RYR1: variants seen among roughly 807,000 people sequenced by gnomAD.
The protein encoded by RYR1 is central core disease of muscle.
Under a neutral mutation model 583.5 loss-of-function variants are expected in RYR1, and 342 were observed. The observed-to-expected ratio is 0.59, with a 90% confidence interval of 0.54 to 0.64. The LOEUF (loss-of-function observed/expected upper bound fraction) is 0.64. RYR1 is among the 30% of genes least tolerant of loss of function. RYR1 has a pLI of 0.00. For missense variants in RYR1, 6,032 were observed against 6,917.2 expected, an observed-to-expected ratio of 0.87 and a Z score of 4.54; for synonymous variants, 2,791 against 2,822.5, an observed-to-expected ratio of 0.99 and a Z score of 0.35.
chr19:38,518,927 CAAAA>C (rs549791781), intron 66 of RYR1, among the ~76,000 whole-genome samples: 7 of 118,568 alleles, frequency 5.9e-5, no homozygotes, highest in African/African-American at 9.7e-5. Flanking sequence ...AACTCTGTCT[CAAAA>C]AAAAAAAAAA....
In RYR1 at chr19:38,532,370, G is replaced by C. The variant is rs1971775035; in HGVS notation, c.11142-120G>C. On this transcript the variant is annotated intron_variant, in intron 76 of 105. Coordinates refer to ENST00000359596, the MANE Select transcript of RYR1 (RefSeq NM_000540.3). ...ACTCCTGATCTCAAGTGATCTGCCT[G>C]CCTCAGCCTCCCAGAGTGTTGGGAT... 4.2e-6 allele frequency: 4 copies of C among 957,056 alleles called. No homozygotes were observed. In the Admixed American group the frequency reaches 7.7e-5, roughly 18 times the overall value. 59.3% of individuals were successfully genotyped at this position (957,056 alleles called of 1,614,324 possible).
rs766294115 is a variant in RYR1 at position 38,489,303 on chromosome 19, A to G, written c.5674A>G (p.Lys1892Glu). Residue 1892 changes from lysine to glutamate, a missense_variant, in exon 35 of 106, where the codon AAG becomes GAG. Physicochemically the swap from Lys to Glu is moderately conservative, Grantham distance 56. This residue lies in a region of RYR1 where 2,627 missense variants were observed against 2,961.3 expected (regional missense o/e 0.89). Transcript: ENST00000359596. ...EEGEEEDEEE[K>E]EEDEEETAQE... ...GGGTGAAGAGGAAGATGAGGAGGAG[A>G]AGGAGGAGGATGAGGAGGAAACAGC... is the stretch of plus-strand genomic sequence containing the variant. 1.7e-5 allele frequency: 28 copies of G among 1,601,734 alleles called. No homozygotes were observed. Among genetic ancestry groups the G allele is most frequent in the African/African-American group, 1.6e-4 (12 of 74,566 alleles).
At chr19:38,495,257 T>C (rs1394411529) in intron 39 of RYR1, among the ~76,000 whole-genome samples, 1 of 152,156 alleles carries the variant, frequency 6.6e-6, no homozygotes, top group Non-Finnish European at 1.5e-5. Flanking sequence ...ATGCGAATAA[T>C]AATAATTATG....
At chr19:38,537,293 C>T (rs1046532808) in intron 83 of RYR1, among the ~76,000 whole-genome samples, 4 of 152,178 alleles carry the variant, frequency 2.6e-5, no homozygotes, top group African/African-American at 9.7e-5. Flanking sequence ...GTCTAGCCTC[C>T]TCCCCTACCG....
chr19:38,449,759 T>G (rs1966982355), intron 11 of RYR1, among the ~76,000 whole-genome samples: 1 of 152,274 alleles, frequency 6.6e-6, no homozygotes, highest in South Asian at 2.1e-4. Context: ...GAGCTTGGCT[T>G]GTTGCAGTAG....
At chr19:38,463,390 C>G (rs549764731) in intron 20 of RYR1, 33 bp from the exon 21 acceptor site, 1 of 1,584,076 alleles carries the variant, frequency 6.3e-7, no homozygotes, top group Admixed American at 1.7e-5. Flanking sequence ...GTAGAGGGAC[C>G]TTGGGGTCTC....
Position 38,464,640 on chromosome 19 carries a change from ACT to A in RYR1, c.2791_2792del (p.Leu931AlafsTer12). ...TCGCCTCCACTCCCCCACCCCCAGGACTCTGCTGGCTCTGGGCTGCCACGTGG... is the reference window on the plus strand; with the variant it reads ...TCGCCTCCACTCCCCCACCCCCAGGACTGCTGGCTCTGGGCTGCCACGTGG... ...NLQMSGETLK[T>X]LLALGCHVGM... On this transcript the variant is annotated frameshift_variant and splice_region_variant, in exon 23 of 106. Transcript: ENST00000359596. LOFTEE classifies it high-confidence loss of function. 1.3e-6 allele frequency: 2 copies of A among 1,579,472 alleles called. No individual in the cohort carries two copies. The highest frequency in any genetic ancestry group is 1.7e-6 in the Non-Finnish European group (2 of 1,162,464).
rs1973048244 is a variant in RYR1 at position 38,559,888 on chromosome 19, T to C, written c.12283-1225T>C. ...AAATAAAATAGAACACTGCAGAGTG[T>C]GCTACACAGCAAAGGTCAGAATTAT... On this transcript the variant is annotated intron_variant, in intron 89 of 105. Transcript: ENST00000359596. 3.3e-5 allele frequency among the ~76,000 whole-genome samples: 5 copies of C among 152,022 alleles called. No individual in the cohort carries two copies. The South Asian group carries it at 8.3e-4, about 25-fold the overall frequency.
chr19:38,586,275 AG>A, intron 104 of RYR1, 84 bp downstream of exon 104: 1 of 1,324,846 alleles, frequency 7.5e-7, no homozygotes, highest in Non-Finnish European at 1.1e-6. Context: ...TTGGCCAGTT[AG>A]GAAAGGGGGT....
intron 87 of RYR1, among the ~76,000 whole-genome samples, chr19:38,544,476 C>T (rs1206136150): frequency 6.6e-6 from 1 of 152,176 alleles, no homozygotes; most frequent in Non-Finnish European, 1.5e-5. Context: ...GCAGGTCGTG[C>T]ACTGCACAAA....
At position 38,534,953 on chromosome 19, in the gene RYR1, C is replaced by G. The variant is rs151114563; in HGVS notation, c.11359+134C>G. 3.7e-4 allele frequency: 411 copies of G among 1,121,404 alleles called. 5 individuals carry two copies. In the African/African-American group the frequency reaches 5.8e-3, roughly 16 times the overall value. The allele number at this position is 1,121,404 out of a possible 1,614,324, so 69.5% of individuals were successfully genotyped here. A position where few individuals can be genotyped will look rare whatever the true frequency, so the allele number is the denominator to read the frequency against. ...GTTTGCACGCACACCCCAGCCCTTG[C>G]AGCTTCCCCTTGTATACCTGCCTTG... On this transcript the variant is annotated intron_variant, in intron 79 of 105. Coordinates refer to ENST00000359596, the MANE Select transcript of RYR1 (RefSeq NM_000540.3).
At position 38,494,564 on chromosome 19, in the gene RYR1, C is replaced by T. The variant is rs118192175; in HGVS notation, c.6487C>T (p.Arg2163Cys). ...CCTGCTCGAGTGCCTCGGCCAGATC[C>T]GCTCGCTGCTCATCGTGCAGATGGG... is the stretch of plus-strand genomic sequence containing the variant. ...MSLLECLGQI[R>C]SLLIVQMGPQ... is the part of the protein sequence containing the mutation. The change falls in exon 39 of 106, where the codon CGC becomes TGC. Residue 2163 changes from arginine (R) to cysteine (C), a missense_variant. By Grantham distance (180) the Arg-to-Cys change is radical (BLOSUM62 -3). This residue lies in a region of RYR1 where 2,627 missense variants were observed against 2,961.3 expected (regional missense o/e 0.89). Coordinates refer to ENST00000359596, the MANE Select transcript of RYR1 (RefSeq NM_000540.3). 6 of 1,614,166 alleles carry T rather than the reference C, an allele frequency of 3.7e-6. No individual in the cohort carries two copies. The highest frequency in any genetic ancestry group is 3.3e-5 in the South Asian group (3 of 91,088).
At chr19:38,557,664 C>T (rs1972938668) in intron 89 of RYR1, among the ~76,000 whole-genome samples, 1 of 152,164 alleles carries the variant, frequency 6.6e-6, no homozygotes, top group Non-Finnish European at 1.5e-5. Flanking sequence ...ATTAGCTAGG[C>T]ATGGTGGCCT....
chr19:38,505,705 C>G, intron 53 of RYR1, 101 bp from the exon 54 acceptor site: 1 of 1,455,498 alleles, frequency 6.9e-7, no homozygotes, highest in South Asian at 1.2e-5. Flanking sequence ...CCAGACTGGA[C>G]CATTGCCTAG....
intron 19 of RYR1, among the ~76,000 whole-genome samples, chr19:38,459,730 C>G (rs904728146): frequency 1.8e-4 from 27 of 152,072 alleles, no homozygotes; most frequent in Non-Finnish European, 7.4e-5. Flanking sequence ...CCCAATGACT[C>G]CAGAATCTGA....
Position 38,565,365 on chromosome 19 carries a change from G to C in RYR1, c.13031G>C (p.Gly4344Ala). The C allele has an allele frequency of 7.6e-7, 1 of 1,319,604 alleles. No individual in the cohort carries two copies. Among genetic ancestry groups the C allele is most frequent in the Non-Finnish European group, 9.6e-7 (1 of 1,044,654 alleles). 81.7% of individuals were successfully genotyped at this position (1,319,604 alleles called of 1,614,324 possible). ...ALLWAAVTRA[G>A]AAGAGAAAGA... ...CTCTGGGCAGCAGTGACGCGCGCTGGGGCCGCTGGCGCGGGGGCGGCGGCG... is the reference window on the plus strand; with the variant it reads ...CTCTGGGCAGCAGTGACGCGCGCTGCGGCCGCTGGCGCGGGGGCGGCGGCG... Residue 4344 changes from glycine (G) to alanine (A), a missense_variant, in exon 91 of 106, where the codon GGG becomes GCG. Around this residue, in one of 11 missense-constraint regions of RYR1, gnomAD observed 753 missense variants for 759.6 expected, o/e 0.99. Coordinates refer to ENST00000359596, the MANE Select transcript of RYR1 (RefSeq NM_000540.3). The surrounding 1 kb of genome is among the most constrained non-coding windows in gnomAD (Gnocchi z 4.7).
chr19:38,527,664 T>A lies in RYR1; in HGVS notation c.10704T>A (p.Ser3568=). 6.2e-7 allele frequency: 1 copy of A among 1,614,164 alleles called. No homozygotes were observed. The highest frequency in any genetic ancestry group is 1.3e-5 in the African/African-American group (1 of 75,060). ...CCCTTCAGGTCGAAGGCTCCCCGTC[T>A]CTGCGCTGGCAGATGGCTCTGTACC... ...HLQGKVEGSP[S]LRWQMALYRG... Residue 3568 remains serine, a synonymous_variant, in exon 73 of 106, where the codon TCT becomes TCA. Coordinates refer to ENST00000359596, the MANE Select transcript of RYR1 (RefSeq NM_000540.3).
At position 38,506,804 on chromosome 19, in the gene RYR1, T is replaced by C. The variant is rs377761144; in HGVS notation, c.8693-25T>C. 1.7e-5 allele frequency: 28 copies of C among 1,613,988 alleles called. No individual in the cohort carries two copies. The African/African-American group carries it at 3.3e-4, about 19-fold the overall frequency. On this transcript the variant is annotated intron_variant, in intron 56 of 105. Coordinates refer to ENST00000359596, the MANE Select transcript of RYR1 (RefSeq NM_000540.3). Reference sequence around the variant, plus strand: ...GTGGCCCGGGTCTTCCCCAGAGCCCTGATTTCTGGTCTTTGCCTCCCCAGG... The same window carrying C: ...GTGGCCCGGGTCTTCCCCAGAGCCCCGATTTCTGGTCTTTGCCTCCCCAGG...
At chr19:38,487,363 T>C (rs939758306) in intron 34 of RYR1, among the ~76,000 whole-genome samples, 3 of 152,168 alleles carry the variant, frequency 2.0e-5, no homozygotes, top group African/African-American at 4.8e-5. Context: ...GTGTGTTTGT[T>C]TGTTTTGAGA....
Sources: gnomAD v4.1 joint callset for allele counts (sites outside exome capture counted in the v4.1 genomes callset) on GRCh38, gnomAD v4.1.1 for gene constraint, gnomAD v4.1.1 regional missense constraint, Gnocchi (gnomAD v3.1) non-coding constraint, MANE v1.5 for transcripts, NCBI Gene and HGNC (gene_info 2026-07-23, HGNC 2026-07-21) for gene names.